The following FRMD4B variants were observed in gnomAD, a reference collection of about 807,000 sequenced individuals.
FRMD4B encodes FERM domain containing 4B, also known as FERM domain-containing protein 4B.
FRMD4B carries 74 observed loss-of-function variants against 141.5 expected under a neutral mutation model. The observed-to-expected ratio is 0.52, with a 90% CI of 0.43 to 0.63. The LOEUF (loss-of-function observed/expected upper bound fraction) is 0.63, where lower values mean the gene tolerates loss of function less well. Ranked by LOEUF, FRMD4B falls within the 30% of genes least tolerant of loss-of-function variation. The probability of loss-of-function intolerance (pLI) is 0.00; values close to 1 mark genes in which losing one functional copy is unlikely to be tolerated. For missense variants in FRMD4B, 1,366 were observed against 1,253.4 expected (o/e 1.09, Z -1.36); for synonymous variants, 506 against 467.9 (o/e 1.08, Z -1.05).
intron 3 of FRMD4B, among the ~76,000 whole-genome samples, chr3:69,311,014 T>A (rs7647743): frequency 0.37 from 56,331 of 152,030 alleles, 11,008 homozygotes; most frequent in East Asian, 0.59. Flanking sequence ...TAATCGGGAA[T>A]AACAAACTCA....
intron 1 of FRMD4B, among the ~76,000 whole-genome samples, chr3:69,477,431 C>G (rs1348889697): frequency 2.0e-5 from 3 of 150,754 alleles, no homozygotes; most frequent in Non-Finnish European, 4.4e-5. Context: ...TGAATTTTGT[C>G]AAAGGCCTTT....
rs1440491223 is a variant in FRMD4B, at chr3:69,511,206, GA to G, written c.-129+30999del. Among the ~76,000 whole-genome samples, 11 of 151,270 alleles carry G rather than the reference GA, an allele frequency of 7.3e-5. No individual in the cohort carries two copies. The South Asian group carries it at 1.9e-3, about 26-fold the overall frequency. The stretch of plus-strand genomic sequence containing the variant: ...CAGTAGTTGTATAAGCATCACTGCA[GA>G]ATCTATTTATTTTGCATTTCATTTT... On this transcript the variant is annotated intron_variant, in intron 1 of 5. Coordinates refer to the FRMD4B transcript ENST00000459638.
rs547018285 is a variant in FRMD4B, at chr3:69,500,954, C to A, written c.-129+41252G>T. Among the ~76,000 whole-genome samples, 12 of 152,256 alleles carry A rather than the reference C, an allele frequency of 7.9e-5. 1 individual carries two copies. Among genetic ancestry groups the A allele is most frequent in the East Asian group, 5.8e-4 (3 of 5,184 alleles). On this transcript the variant is annotated intron_variant, in intron 1 of 5. Transcript: ENST00000459638. ...ATGTCTAGGCACACGCATGTACACA[C>A]GCCCCTCCTACCAAAAAAGAAGGCC...
intron 17 of FRMD4B, among the ~76,000 whole-genome samples, chr3:69,192,677 T>G (rs1450357694): frequency 2.0e-5 from 3 of 152,242 alleles, no homozygotes; most frequent in African/African-American, 7.2e-5. Flanking sequence ...TGTTAGTATT[T>G]TGAAATATTT....
intron 2 of FRMD4B, among the ~76,000 whole-genome samples, chr3:69,400,769 G>A (rs1323979917): frequency 6.6e-6 from 1 of 152,126 alleles, no homozygotes; most frequent in Non-Finnish European, 1.5e-5. Context: ...GACATATTTG[G>A]TCCTCCTAAG....
intron 4 of FRMD4B, among the ~76,000 whole-genome samples, chr3:69,296,873 A>G (rs970877723): frequency 6.6e-6 from 1 of 152,264 alleles, no homozygotes; most frequent in Non-Finnish European, 1.5e-5. Flanking sequence ...GAAAAAATAC[A>G]GATGACCAAA....
At chr3:69,228,535 T>A (rs1337579250) in intron 7 of FRMD4B, 1 of 443,374 alleles carries the variant, frequency 2.3e-6, no homozygotes, top group Non-Finnish European at 4.6e-6. Context: ...TTAATTTATC[T>A]TCACATAAGT....
At chr3:69,346,966 A>C (rs1354326115) in intron 1 of FRMD4B, among the ~76,000 whole-genome samples, 1 of 152,212 alleles carries the variant, frequency 6.6e-6, no homozygotes, top group African/African-American at 2.4e-5. Flanking sequence ...GACAGGATCA[A>C]ATTCACTCAT....
rs55995422 is a variant in FRMD4B at position 69,235,150 on chromosome 3, AAATAATAATAATAATAATAAT to A, written c.582-10481_582-10461del. Among the ~76,000 whole-genome samples, 439 of 134,110 alleles carry A rather than the reference AAATAATAATAATAATAATAAT, an allele frequency of 3.3e-3. 6 individuals are homozygous for A. The highest frequency in any genetic ancestry group is 4.9e-3 in the African/African-American group (178 of 36,378). 88.0% of individuals were successfully genotyped at this position (134,110 alleles called of 152,430 possible). ...GGGTGACAGAGCGAGACCCTGTCTC[AAATAATAATAATAATAATAAT>A]AATAATAATAATAATAATAATAATA... On this transcript the variant is annotated intron_variant, in intron 7 of 22. Coordinates refer to ENST00000398540, the MANE Select transcript of FRMD4B (RefSeq NM_015123.3).
At chr3:69,309,079 G>A (rs552011375) in intron 3 of FRMD4B, among the ~76,000 whole-genome samples, 27 of 152,224 alleles carry the variant, frequency 1.8e-4, no homozygotes, top group African/African-American at 4.3e-4. Context: ...CTGAATCCTC[G>A]TGATATAGAA....
chr3:69,352,988 G>A (rs545041325), intron 1 of FRMD4B, among the ~76,000 whole-genome samples: 25 of 152,026 alleles, frequency 1.6e-4, no homozygotes, highest in Non-Finnish European at 3.1e-4. Context: ...ATGAAACGAT[G>A]AACAATTATA....
intron 1 of FRMD4B, among the ~76,000 whole-genome samples, chr3:69,444,229 G>C (rs1705381115): frequency 2.0e-5 from 3 of 152,120 alleles, no homozygotes; most frequent in Non-Finnish European, 1.5e-5. Flanking sequence ...GGCCAGCCTT[G>C]CATTAATTAA....
intron 1 of FRMD4B, among the ~76,000 whole-genome samples, chr3:69,492,855 G>A (rs576733485): frequency 1.3e-5 from 2 of 152,290 alleles, no homozygotes; most frequent in African/African-American, 2.4e-5. Context: ...TTCATGGCTG[G>A]TAAACGTTTC....
chr3:69,501,776 A>G (rs1011260062), intron 1 of FRMD4B, among the ~76,000 whole-genome samples: 1 of 152,196 alleles, frequency 6.6e-6, no homozygotes, highest in African/African-American at 2.4e-5. Context: ...GTATATCTAG[A>G]AAACCCCACT....
At chr3:69,237,263 G>A (rs993373345) in intron 7 of FRMD4B, among the ~76,000 whole-genome samples, 5 of 152,236 alleles carry the variant, frequency 3.3e-5, no homozygotes, top group African/African-American at 1.2e-4. Flanking sequence ...GGCTGTGCCA[G>A]CCCTTGCTCT....
chr3:69,172,024 T>G (rs1423509030), intron 22 of FRMD4B, 43 bp from the exon 23 acceptor site: 1 of 1,603,286 alleles, frequency 6.2e-7, no homozygotes, highest in South Asian at 1.1e-5. Flanking sequence ...TGGCCATATT[T>G]TTGTCCCCAC....
chr3:69,184,780 G>A (rs982030985), intron 19 of FRMD4B, among the ~76,000 whole-genome samples: 7 of 152,242 alleles, frequency 4.6e-5, no homozygotes, highest in African/African-American at 1.7e-4. Flanking sequence ...TTCCGGGTCT[G>A]TTCTGACCAA....
At chr3:69,377,969 C>T (rs532484804) in intron 1 of FRMD4B, among the ~76,000 whole-genome samples, 2 of 121,218 alleles carry the variant, frequency 1.6e-5, no homozygotes, top group African/African-American at 6.3e-5. Flanking sequence ...TGCCACCACA[C>T]TTGGCTAATT....
chr3:69,366,175 G>A lies in FRMD4B; in HGVS notation c.162+19653C>T, dbSNP rs561599998. Reference sequence around the variant, plus strand: ...CTTGGGAGGCTAAGGCAGGAGAATTGTTTGAACCCAGGAGGCGGAGGTTGC... The same window carrying A: ...CTTGGGAGGCTAAGGCAGGAGAATTATTTGAACCCAGGAGGCGGAGGTTGC... On this transcript the variant is annotated intron_variant, in intron 1 of 22. Transcript: ENST00000398540. 7.3e-5 allele frequency among the ~76,000 whole-genome samples: 11 copies of A among 151,412 alleles called. 1 individual carries two copies. In the East Asian group the frequency reaches 2.1e-3, roughly 29 times the overall value.
Sources: gnomAD v4.1 joint callset for allele counts (sites outside exome capture counted in the v4.1 genomes callset) on GRCh38, gnomAD v4.1.1 for gene constraint, MANE v1.5 for transcripts, NCBI Gene and HGNC (gene_info 2026-07-23, HGNC 2026-07-21) for gene names.